The following WIPF1 variants were observed in gnomAD, a reference collection of about 807,000 sequenced individuals.
WIPF1 encodes the protein WAS/WASL interacting protein family member 1, also known as WAS/WASL-interacting protein family member 1.
Under a neutral mutation model 35.4 loss-of-function variants are expected in WIPF1, and 13 were observed. The observed-to-expected ratio is 0.37, with a 90% CI of 0.24 to 0.58. The LOEUF is 0.58. WIPF1 is among the 20% of genes least tolerant of loss of function. The pLI is 0.74. For missense variants in WIPF1, 591 were observed against 667.0 expected, an observed-to-expected ratio of 0.89 and a Z score of 1.25; for synonymous variants, 267 against 266.3, an observed-to-expected ratio of 1.00 and a Z score of -0.02.
At chr2:174,652,086 C>T (rs539933120) in intron 1 of WIPF1, among the ~76,000 whole-genome samples, 4 of 152,254 alleles carry the variant, frequency 2.6e-5, no homozygotes, top group African/African-American at 7.2e-5. Flanking sequence ...TTCCAATGAA[C>T]GAGGCAGAAG....
intron 1 of WIPF1, among the ~76,000 whole-genome samples, chr2:174,646,682 T>A (rs1483490907): frequency 6.6e-6 from 1 of 152,160 alleles, no homozygotes; most frequent in Non-Finnish European, 1.5e-5. Context: ...TGGAGTGCAA[T>A]CTCGGCTCAT....
chr2:174,640,716 CTCG>C (rs1363037902), intron 1 of WIPF1, among the ~76,000 whole-genome samples: 2 of 151,658 alleles, frequency 1.3e-5, no homozygotes, highest in Non-Finnish European at 2.9e-5. Context: ...CACCCATTAA[CTCG>C]TCATTTACAT....
chr2:174,676,312 CTTCTTT>C (rs1559180072), intron 1 of WIPF1: 1 of 124,794 alleles, frequency 8.0e-6, no homozygotes, highest in Non-Finnish European at 1.6e-5. Context: ...TCCTCCCTCC[CTTCTTT>C]TTTTTTTTTT....
Position 174,571,930 on chromosome 2 carries a change from G to A in WIPF1, c.875C>T (p.Pro292Leu). The A allele has an allele frequency of 6.2e-7, 1 of 1,601,762 alleles. No individual in the cohort carries two copies. Among genetic ancestry groups the A allele is most frequent in the Non-Finnish European group, 8.5e-7 (1 of 1,174,190 alleles). Reference sequence around the variant, plus strand: ...AGGCCGCGGAGTGGAAGGCACTGGAGGCTTGTTGTTCTGAGGAGGAGGAGG... The same window carrying A: ...AGGCCGCGGAGTGGAAGGCACTGGAAGCTTGTTGTTCTGAGGAGGAGGAGG... ...VPPPPPQNNK[P>L]PVPSTPRPSA... Residue 292 changes from proline (P) to leucine (L), a missense_variant, in exon 5 of 8, where the codon CCT becomes CTT. By Grantham distance (98) the Pro-to-Leu change is moderately conservative (BLOSUM62 -3). Transcript: ENST00000679041. This position sits in a 1 kb window ranked among gnomAD's most constrained non-coding sequence, Gnocchi z 4.6.
chr2:174,675,135 G>A lies in WIPF1; in HGVS notation c.-39+7639C>T, dbSNP rs901524769. Among the ~76,000 whole-genome samples the A allele has an allele frequency of 3.3e-5, 5 of 151,894 alleles. No homozygotes were observed. The East Asian group carries it at 9.6e-4, about 29-fold the overall frequency. Reference sequence around the variant, plus strand: ...ATAAGTAATATAATTCTATTTTTAGGAGAAAAAACTATATATGTGCATATA... The same window carrying A: ...ATAAGTAATATAATTCTATTTTTAGAAGAAAAAACTATATATGTGCATATA... On this transcript the variant is annotated intron_variant, in intron 1 of 8. Transcript: ENST00000272746.
chr2:174,649,374 C>G (rs1214262705), intron 1 of WIPF1, among the ~76,000 whole-genome samples: 1 of 152,150 alleles, frequency 6.6e-6, no homozygotes, highest in African/African-American at 2.4e-5. Context: ...AGGGTTCAGT[C>G]AGGAAAATGC....
intron 3 of WIPF1, among the ~76,000 whole-genome samples, chr2:174,579,734 C>A (rs1685175785): frequency 6.6e-6 from 1 of 152,220 alleles, no homozygotes; most frequent in African/African-American, 2.4e-5. Context: ...ACTGTCCAGC[C>A]TCCTTCAACA....
chr2:174,659,709 A>G (rs529256592), intron 1 of WIPF1, among the ~76,000 whole-genome samples: 16 of 152,358 alleles, frequency 1.1e-4, no homozygotes, highest in African/African-American at 3.8e-4. Flanking sequence ...TACAGAACTC[A>G]GTCGTTCATT....
At chr2:174,642,116 T>C (rs1356398413) in intron 1 of WIPF1, among the ~76,000 whole-genome samples, 1 of 152,172 alleles carries the variant, frequency 6.6e-6, no homozygotes, top group Non-Finnish European at 1.5e-5. Context: ...TGAATAGTCC[T>C]ATTCTTTATT....
At chr2:174,577,905 A>G (rs1685111952) in intron 3 of WIPF1, among the ~76,000 whole-genome samples, 1 of 140,230 alleles carries the variant, frequency 7.1e-6, no homozygotes, top group East Asian at 2.4e-4. Context: ...TGACAAGACA[A>G]GACCCTGTCT....
At chr2:174,636,236 G>A (rs989162472) in intron 1 of WIPF1, among the ~76,000 whole-genome samples, 1 of 152,180 alleles carries the variant, frequency 6.6e-6, no homozygotes, top group Non-Finnish European at 1.5e-5. Flanking sequence ...CTAAGCAGCT[G>A]CATATGTTCT....
chr2:174,621,191 A>T (rs1246175457), intron 1 of WIPF1, among the ~76,000 whole-genome samples: 2 of 152,190 alleles, frequency 1.3e-5, no homozygotes, highest in African/African-American at 4.8e-5. Flanking sequence ...TAAATTAGAG[A>T]GAGGCAGAAT....
intron 1 of WIPF1, among the ~76,000 whole-genome samples, chr2:174,641,706 T>G (rs905874521): frequency 3.3e-5 from 5 of 152,232 alleles, no homozygotes; most frequent in African/African-American, 1.2e-4. Context: ...AAAATACTGA[T>G]AGTGCCTTAC....
At chr2:174,568,861 T>C (rs918105277) in intron 5 of WIPF1, 1 of 152,166 alleles carries the variant, frequency 6.6e-6, no homozygotes, top group Non-Finnish European at 1.5e-5. Context: ...ATGTAAGTAC[T>C]TGAAACCATT....
chr2:174,562,834 T>TA (rs1029134532), intron 7 of WIPF1, among the ~76,000 whole-genome samples: 10 of 152,006 alleles, frequency 6.6e-5, no homozygotes, highest in Non-Finnish European at 1.3e-4. Context: ...TGCACAAAGT[T>TA]AAAAAAAATC....
chr2:174,607,619 C>T (rs1463344131), intron 1 of WIPF1, among the ~76,000 whole-genome samples: 1 of 151,746 alleles, frequency 6.6e-6, no homozygotes, highest in Non-Finnish European at 1.5e-5. Flanking sequence ...CTTCCCCTCT[C>T]CTTCCTTGAC....
intron 1 of WIPF1, among the ~76,000 whole-genome samples, chr2:174,607,351 C>T (rs1686201655): frequency 6.6e-6 from 1 of 151,796 alleles, no homozygotes; most frequent in African/African-American, 2.4e-5. Flanking sequence ...TGCAGTGAGC[C>T]GAGATCGCAC....
At chr2:174,670,362 A>G (rs898232165) in intron 1 of WIPF1, among the ~76,000 whole-genome samples, 1 of 152,166 alleles carries the variant, frequency 6.6e-6, no homozygotes, top group Non-Finnish European at 1.5e-5. Flanking sequence ...GAAAGCTTCT[A>G]TTAGGATTCT....
intron 1 of WIPF1, among the ~76,000 whole-genome samples, chr2:174,678,742 T>G (rs1688186484): frequency 6.6e-6 from 1 of 152,250 alleles, no homozygotes; most frequent in African/African-American, 2.4e-5. Context: ...TGCTTCCTCA[T>G]CCTTTATCTG....
Sources: gnomAD v4.1 joint callset for allele counts (sites outside exome capture counted in the v4.1 genomes callset) on GRCh38, gnomAD v4.1.1 for gene constraint, Gnocchi (gnomAD v3.1) non-coding constraint, MANE v1.5 for transcripts, NCBI Gene and HGNC (gene_info 2026-07-23, HGNC 2026-07-21) for gene names.